The following ADGRL1 variants were observed in gnomAD, a reference collection of about 807,000 sequenced individuals.
The protein encoded by ADGRL1 is CIRL-1.
A neutral mutation model predicts 148.9 loss-of-function variants in ADGRL1; 31 were observed. The observed-to-expected ratio is 0.21, with a 90% CI of 0.16 to 0.28. The LOEUF is 0.28. ADGRL1 is among the 10% of genes least tolerant of loss of function. The pLI is 1.00. For missense variants in ADGRL1, 1,521 were observed against 2,058.8 expected (o/e 0.74, Z 5.05); for synonymous variants, 937 against 900.3 (o/e 1.04, Z -0.73).
intron 4 of ADGRL1, among the ~76,000 whole-genome samples, chr19:14,164,272 C>G (rs1969733412): frequency 6.6e-6 from 1 of 151,786 alleles, no homozygotes; most frequent in Non-Finnish European, 1.5e-5. Context: ...GCACTGTGCA[C>G]AGGGGTGGGG....
intron 1 of ADGRL1, among the ~76,000 whole-genome samples, chr19:14,196,288 C>G (rs1214742076): frequency 8.5e-5 from 13 of 152,236 alleles, no homozygotes; most frequent in Admixed American, 8.5e-4. Flanking sequence ...TGGCTCCCAC[C>G]TCACTCGACC....
chr19:14,151,232 T>C lies in ADGRL1; in HGVS notation c.4051A>G (p.Ser1351Gly). 1 of 1,611,986 alleles carries C rather than the reference T, an allele frequency of 6.2e-7. No individual in the cohort carries two copies. The highest frequency in any genetic ancestry group is 8.5e-7 in the Non-Finnish European group (1 of 1,179,678). ...CAGCTCTCCGACTCGTCCAGATCGC[T>C]CTGGTACAGCACCGACTGGGCCCGG... ...LPRAQSVLYQ[S>G]DLDESESCTA... The change falls in exon 23 of 23, where the codon AGC becomes GGC. Residue 1351 changes from serine to glycine, a missense_variant. Ser to Gly is a moderately conservative substitution (Grantham distance 56). Transcript: ENST00000361434.
rs369994263 is a variant in ADGRL1, at chr19:14,155,564, C to T, written c.3126-37G>A. The T allele has an allele frequency of 1.6e-4, 250 of 1,607,356 alleles. No homozygotes were observed. Among genetic ancestry groups the T allele is most frequent in the Non-Finnish European group, 2.0e-4 (236 of 1,177,540 alleles). On this transcript the variant is annotated intron_variant, in intron 17 of 22. Transcript: ENST00000361434. The surrounding 1 kb of genome is among the most constrained non-coding windows in gnomAD (Gnocchi z 5.0). ...GCGACAGGGGAGTCAAAGTACCCGCCGGAGGGGACGGCCTCAGCCCAGGCC... is the reference window on the plus strand; with the variant it reads ...GCGACAGGGGAGTCAAAGTACCCGCTGGAGGGGACGGCCTCAGCCCAGGCC...
chr19:14,152,642 T>G lies in ADGRL1; in HGVS notation c.3424-29A>C, dbSNP rs1040081402. 6.2e-7 allele frequency: 1 copy of G among 1,608,174 alleles called. No individual in the cohort carries two copies. Among genetic ancestry groups the G allele is most frequent in the Non-Finnish European group, 8.5e-7 (1 of 1,175,260 alleles). ...GGAACACAACCCAAATGTGAGGGGA[T>G]CCTTGGGCCACCCACCCTCTGGCGT... On this transcript the variant is annotated intron_variant, in intron 19 of 22. Coordinates refer to ENST00000361434, the MANE Select transcript of ADGRL1 (RefSeq NM_014921.5). The surrounding 1 kb of genome is among the most constrained non-coding windows in gnomAD (Gnocchi z 6.1).
At chr19:14,167,211 C>T (rs777540562) in intron 4 of ADGRL1, among the ~76,000 whole-genome samples, 4 of 152,188 alleles carry the variant, frequency 2.6e-5, no homozygotes, top group African/African-American at 4.8e-5. Flanking sequence ...CGGGCCCCCG[C>T]CCCCAGGTCC....
intron 3 of ADGRL1, among the ~76,000 whole-genome samples, chr19:14,176,393 T>C (rs931600133): frequency 6.6e-6 from 1 of 152,094 alleles, no homozygotes; most frequent in African/African-American, 2.4e-5. Flanking sequence ...TACACCGTCA[T>C]ACTCATAGAT....
intron 4 of ADGRL1, among the ~76,000 whole-genome samples, chr19:14,166,068 G>T (rs917103072): frequency 1.3e-5 from 2 of 151,988 alleles, no homozygotes; most frequent in Admixed American, 6.5e-5. Context: ...TAGAAATTAC[G>T]GAGTCTGTGG....
Position 14,183,704 on chromosome 19 carries a change from G to A in ADGRL1, c.-95-7C>T, listed in dbSNP as rs1250762940. On this transcript the variant is annotated splice_polypyrimidine_tract_variant and splice_region_variant and intron_variant, in intron 1 of 22. Coordinates refer to ENST00000361434, the MANE Select transcript of ADGRL1 (RefSeq NM_014921.5). The stretch of plus-strand genomic sequence containing the variant: ...CACGGCCTGGACCACCAGCCTGGGG[G>A]AGGACAGGGAGACTGAGGTGGGGAT... 1 of 1,049,554 alleles carries A rather than the reference G, an allele frequency of 9.5e-7. No individual in the cohort carries two copies. The highest frequency in any genetic ancestry group is 1.5e-5 in the South Asian group (1 of 64,846). 65.0% of individuals were successfully genotyped at this position (1,049,554 alleles called of 1,614,324 possible).
chr19:14,184,605 AT>A (rs1357087754), intron 1 of ADGRL1, among the ~76,000 whole-genome samples: 1 of 121,566 alleles, frequency 8.2e-6, no homozygotes, highest in Non-Finnish European at 1.7e-5. Flanking sequence ...GCTAATTTTT[AT>A]TTTATTTATT....
intron 1 of ADGRL1, among the ~76,000 whole-genome samples, chr19:14,199,588 G>A (rs553454272): frequency 4.1e-4 from 63 of 152,044 alleles, no homozygotes; most frequent in African/African-American, 1.5e-3. Flanking sequence ...ACCGTGCCCA[G>A]CTAATTTTTA....
intron 18 of ADGRL1, among the ~76,000 whole-genome samples, chr19:14,154,327 A>G (rs920758143): frequency 1.3e-5 from 2 of 152,178 alleles, no homozygotes; most frequent in Non-Finnish European, 2.9e-5. Context: ...CAAGTCCAAC[A>G]GCAGTCTCCA....
rs1968726613 is a variant in ADGRL1 at position 14,156,213 on chromosome 19, A to G, written c.3034-12T>C. The G allele has an allele frequency of 6.2e-7, 1 of 1,604,368 alleles. No individual in the cohort carries two copies. The highest frequency in any genetic ancestry group is 1.3e-5 in the African/African-American group (1 of 74,712). ...AACACCAGGTTGACCTGGGGGCGGG[A>G]CAAGGGGCAGGCTGGGCTGAGAGTG... On this transcript the variant is annotated splice_polypyrimidine_tract_variant and intron_variant, in intron 16 of 22. Transcript: ENST00000361434.
Position 14,204,190 on chromosome 19 carries a change from G to A in ADGRL1, c.-96+1795C>T, listed in dbSNP as rs1475464647. On this transcript the variant is annotated intron_variant, in intron 1 of 22. Transcript: ENST00000361434. ...AAATCACGGATAATTTTCTCGATAT[G>A]ATAATGAAGGTTGTAATCCTTCTCT... Among the ~76,000 whole-genome samples, 3 of 152,166 alleles carry A rather than the reference G, an allele frequency of 2.0e-5. No homozygotes were observed. In the East Asian group the frequency reaches 5.8e-4, roughly 29 times the overall value.
chr19:14,204,541 T>C (rs1972832661), intron 1 of ADGRL1, among the ~76,000 whole-genome samples: 1 of 151,854 alleles, frequency 6.6e-6, no homozygotes, highest in South Asian at 2.1e-4. Flanking sequence ...AAACCAATGG[T>C]CTGTCCCCAA....
In ADGRL1 at chr19:14,160,502, CAT is replaced by C; in HGVS notation, c.1614+89_1614+90del. On this transcript the variant is annotated intron_variant, in intron 7 of 22. Coordinates refer to ENST00000361434, the MANE Select transcript of ADGRL1 (RefSeq NM_014921.5). This position sits in a 1 kb window ranked among gnomAD's most constrained non-coding sequence, Gnocchi z 5.9. ...GTCCTGCCTTCCAGACCTGCCAGCC[CAT>C]GTCTCCCCAGCTGCTCCACGACCCC... is the stretch of plus-strand genomic sequence containing the variant. 1 of 1,036,096 alleles carries C rather than the reference CAT, an allele frequency of 9.7e-7. No individual in the cohort carries two copies. The highest frequency in any genetic ancestry group is 1.4e-6 in the Non-Finnish European group (1 of 716,466). The allele number at this position is 1,036,096 out of a possible 1,614,324, so 64.2% of individuals were successfully genotyped here.
In ADGRL1 at chr19:14,183,645, CG is replaced by C. The variant is rs762194759; in HGVS notation, c.-44del. Reference sequence around the variant, plus strand: ...TGTCCGGAGCTCTCAGTGGCCTGTGCGGGGGGCTTTGCCCCACATCACCTGG... The same window carrying C: ...TGTCCGGAGCTCTCAGTGGCCTGTGCGGGGGCTTTGCCCCACATCACCTGG... On this transcript the variant is annotated 5_prime_UTR_variant, in exon 2 of 23. An upstream open reading frame in the 5' UTR loses its in-frame stop. Transcript: ENST00000361434. 34 of 1,517,746 alleles carry C rather than the reference CG, an allele frequency of 2.2e-5. No homozygotes were observed. Among genetic ancestry groups the C allele is most frequent in the Non-Finnish European group, 2.9e-5 (33 of 1,119,768 alleles). 94.0% of individuals were successfully genotyped at this position (1,517,746 alleles called of 1,614,324 possible). A position where few individuals can be genotyped will look rare whatever the true frequency, so the allele number is the denominator to read the frequency against.
chr19:14,170,648 G>C (rs1249369271), intron 4 of ADGRL1, 34 bp downstream of exon 4: 1 of 1,312,348 alleles, frequency 7.6e-7, no homozygotes, highest in African/African-American at 1.4e-5. Context: ...ATGCGAGAAG[G>C]GCCCGCATCC....
Position 14,156,959 on chromosome 19 carries a change from C to T in ADGRL1, c.2932G>A (p.Ala978Thr), listed in dbSNP as rs1968829471. ...GTGCCGTAGCTGCGGTAGTCAATGGCAGCCGCGATGCCCACCACCAGGGCC... is the reference window on the plus strand; with the variant it reads ...GTGCCGTAGCTGCGGTAGTCAATGGTAGCCGCGATGCCCACCACCAGGGCC... ...FPALVVGIAA[A>T]IDYRSYGTEK... Residue 978 changes from alanine (A) to threonine (T), a missense_variant, in exon 15 of 23, where the codon GCC becomes ACC. Around this residue, in one of 8 missense-constraint regions of ADGRL1, gnomAD observed 185 missense variants for 251.7 expected, o/e 0.74. Transcript: ENST00000361434. 3 of 1,612,994 alleles carry T rather than the reference C, an allele frequency of 1.9e-6. No homozygotes were observed. Among genetic ancestry groups the T allele is most frequent in the Non-Finnish European group, 2.5e-6 (3 of 1,179,866 alleles).
At position 14,179,290 on chromosome 19, in the gene ADGRL1, T is replaced by C. The variant is rs547339671; in HGVS notation, c.71-1546A>G. On this transcript the variant is annotated intron_variant, in intron 2 of 22. Transcript: ENST00000361434. ...TGGGCAGATCATGAGGTGAGGTGAT[T>C]GAGACCATCCTGGCTAAAACGGTGA... is the stretch of plus-strand genomic sequence containing the variant. Among the ~76,000 whole-genome samples the C allele has an allele frequency of 2.2e-3, 340 of 151,948 alleles. 1 individual carries two copies. Among genetic ancestry groups the C allele is most frequent in the Non-Finnish European group, 2.4e-3 (160 of 67,968 alleles).
Sources: gnomAD v4.1 joint callset for allele counts (sites outside exome capture counted in the v4.1 genomes callset) on GRCh38, gnomAD v4.1.1 for gene constraint, gnomAD v4.1.1 regional missense constraint, Gnocchi (gnomAD v3.1) non-coding constraint, MANE v1.5 for transcripts, NCBI Gene and HGNC (gene_info 2026-07-23, HGNC 2026-07-21) for gene names.